The following SH3PXD2B variants were observed in gnomAD, a reference collection of about 807,000 sequenced individuals.
SH3PXD2B encodes the protein SH3 and PX domains 2B, also known as SH3 and PX domain-containing protein 2B.
A neutral mutation model predicts 73.1 loss-of-function variants in SH3PXD2B; 37 were observed. The ratio of observed to expected loss-of-function variants is 0.51; its 90% CI spans 0.39 to 0.67. The LOEUF (loss-of-function observed/expected upper bound fraction) is 0.67, where lower values mean the gene tolerates loss of function less well. SH3PXD2B is among the 30% of genes least tolerant of loss of function. The pLI is 0.00. For missense variants in SH3PXD2B, 1,053 were observed against 1,197.8 expected (o/e 0.88, Z 1.78); for synonymous variants, 457 against 480.5 (o/e 0.95, Z 0.64).
chr5:172,416,409 C>T (rs535396128), intron 2 of SH3PXD2B, among the ~76,000 whole-genome samples: 30 of 151,266 alleles, frequency 2.0e-4, no homozygotes, highest in Non-Finnish European at 3.8e-4. Context: ...CTTACTGTAA[C>T]CTCTGCCTCC....
intron 1 of SH3PXD2B, among the ~76,000 whole-genome samples, chr5:172,432,634 T>C (rs891321597): frequency 9.9e-5 from 15 of 152,046 alleles, no homozygotes; most frequent in South Asian, 2.1e-4. Context: ...ATAATGAGGA[T>C]TGACTGGCTG....
chr5:172,441,218 A>C (rs1281921756), intron 1 of SH3PXD2B, among the ~76,000 whole-genome samples: 1 of 152,168 alleles, frequency 6.6e-6, no homozygotes, highest in African/African-American at 2.4e-5. Context: ...CCTCATTTAG[A>C]GACGAAGAAG....
intron 3 of SH3PXD2B, among the ~76,000 whole-genome samples, chr5:172,399,316 T>C (rs1758377591): frequency 6.6e-6 from 1 of 152,242 alleles, no homozygotes; most frequent in South Asian, 2.1e-4. Context: ...ATGCTGGTTA[T>C]GTAGGTCCTA....
chr5:172,330,715 T>G (rs1382133669), downstream of SH3PXD2B, among the ~76,000 whole-genome samples: 1 of 152,246 alleles, frequency 6.6e-6, no homozygotes, highest in Non-Finnish European at 1.5e-5. Context: ...CGGGAACTTA[T>G]GGTAAGGGGC....
At chr5:172,450,245 C>T (rs1374156634) in intron 1 of SH3PXD2B, among the ~76,000 whole-genome samples, 1 of 151,500 alleles carries the variant, frequency 6.6e-6, no homozygotes, top group East Asian at 1.9e-4. Context: ...AAAATCCTAT[C>T]TATTAGTCTA....
chr5:172,438,522 G>C (rs549894261), intron 1 of SH3PXD2B, among the ~76,000 whole-genome samples: 1 of 152,216 alleles, frequency 6.6e-6, no homozygotes, highest in Non-Finnish European at 1.5e-5. Flanking sequence ...AAGGCTCTCT[G>C]TGTCCAGAGA....
Position 172,358,855 on chromosome 5 carries a change from G to C in SH3PXD2B, c.585C>G (p.Ala195=), listed in dbSNP as rs201485159. 204 of 1,613,872 alleles carry C rather than the reference G, an allele frequency of 1.3e-4. No individual in the cohort carries two copies. The highest frequency in any genetic ancestry group is 1.6e-4 in the Non-Finnish European group (193 of 1,179,974). The part of the protein sequence containing the change: ...NESGWWFVST[A]EEQGWVPATC... The stretch of plus-strand genomic sequence containing the variant: ...TTGCAGGGACCCAGCCTTGCTCCTC[G>C]GCAGTGCTGACGAACCACCAACCTG... Residue 195 remains alanine, a synonymous_variant, in exon 8 of 13, where the codon GCC becomes GCG. Coordinates refer to ENST00000311601, the MANE Select transcript of SH3PXD2B (RefSeq NM_001017995.3).
At chr5:172,402,428 A>G (rs10052294) in intron 3 of SH3PXD2B, among the ~76,000 whole-genome samples, 9,516 of 152,282 alleles carry the variant, frequency 0.062, 452 homozygotes, top group African/African-American at 0.14. Context: ...TACCTTGTGA[A>G]GCATGTGATC....
intron 8 of SH3PXD2B, 92 bp from the exon 9 acceptor site, chr5:172,354,097 G>A (rs1757220059): frequency 1.6e-6 from 2 of 1,272,120 alleles, no homozygotes; most frequent in Non-Finnish European, 1.1e-6. Context: ...GTCGGAGGGA[G>A]GATTTCCTTC....
chr5:172,360,809 G>C (rs988403703), intron 7 of SH3PXD2B, among the ~76,000 whole-genome samples: 1 of 152,192 alleles, frequency 6.6e-6, no homozygotes, highest in South Asian at 2.1e-4. Flanking sequence ...GCCAGCCGGG[G>C]CAACAGAGTG....
At chr5:172,411,568 C>T (rs1289762200) in intron 2 of SH3PXD2B, among the ~76,000 whole-genome samples, 6 of 152,190 alleles carry the variant, frequency 3.9e-5, no homozygotes, top group Admixed American at 3.9e-4. Context: ...CTCATGCCAG[C>T]TGTGTGTCTT....
intron 3 of SH3PXD2B, among the ~76,000 whole-genome samples, chr5:172,402,981 G>A (rs902314297): frequency 1.3e-5 from 2 of 152,252 alleles, no homozygotes; most frequent in South Asian, 2.1e-4. Flanking sequence ...GGGCAGAACC[G>A]TGAGGCCAGT....
intron 1 of SH3PXD2B, among the ~76,000 whole-genome samples, chr5:172,444,562 T>C (rs1329761134): frequency 6.6e-6 from 1 of 152,222 alleles, no homozygotes; most frequent in East Asian, 1.9e-4. Context: ...AAAAAATTAC[T>C]ATTGAATCTT....
intron 12 of SH3PXD2B, among the ~76,000 whole-genome samples, chr5:172,344,743 A>G (rs1264168357): frequency 6.6e-6 from 1 of 152,186 alleles, no homozygotes; most frequent in Admixed American, 6.5e-5. Flanking sequence ...AGATAATAGC[A>G]AAGTGAAAAC....
intron 1 of SH3PXD2B, among the ~76,000 whole-genome samples, chr5:172,449,779 C>G (rs192314608): frequency 6.6e-6 from 1 of 152,146 alleles, no homozygotes; most frequent in Non-Finnish European, 1.5e-5. Flanking sequence ...AAGTTGAAAA[C>G]ACACAAACCC....
Position 172,334,875 on chromosome 5 carries a change from G to C in SH3PXD2B, c.*3494C>G. ...CACCTGGTAATGAAATCCTCAGTGGGCGCAAACATTTTAGGGCCAAGAACA... is the reference window on the plus strand; with the variant it reads ...CACCTGGTAATGAAATCCTCAGTGGCCGCAAACATTTTAGGGCCAAGAACA... On this transcript the variant is annotated 3_prime_UTR_variant, in exon 13 of 13. Coordinates refer to ENST00000311601, the MANE Select transcript of SH3PXD2B (RefSeq NM_001017995.3). 1.0e-6 allele frequency: 1 copy of C among 985,402 alleles called. No homozygotes were observed. The highest frequency in any genetic ancestry group is 1.2e-6 in the Non-Finnish European group (1 of 829,948). 61.0% of individuals were successfully genotyped at this position (985,402 alleles called of 1,614,324 possible). A position where few individuals can be genotyped will look rare whatever the true frequency, so the allele number is the denominator to read the frequency against.
In SH3PXD2B at chr5:172,394,538, C is replaced by T. The variant is rs758088500; in HGVS notation, c.309+25G>A. ...AAACAGAATACACCTACAGGGAAGA[C>T]TGCGTGGGCATTTCTCAGCCTTACC... On this transcript the variant is annotated intron_variant, in intron 4 of 12. Coordinates refer to ENST00000311601, the MANE Select transcript of SH3PXD2B (RefSeq NM_001017995.3). 1.1e-5 allele frequency: 17 copies of T among 1,612,648 alleles called. No individual in the cohort carries two copies. The Admixed American group carries it at 2.7e-4, about 25-fold the overall frequency.
chr5:172,361,686 CA>C (rs1216307410), intron 7 of SH3PXD2B, among the ~76,000 whole-genome samples: 1 of 152,188 alleles, frequency 6.6e-6, no homozygotes, highest in Non-Finnish European at 1.5e-5. Flanking sequence ...TCTGGCTCTG[CA>C]GGCTGTTGTG....
chr5:172,422,195 A>G (rs936597715), intron 2 of SH3PXD2B, among the ~76,000 whole-genome samples: 11 of 152,142 alleles, frequency 7.2e-5, no homozygotes, highest in African/African-American at 2.2e-4. Flanking sequence ...GGGTTTCACC[A>G]TGTTGGCCGG....
Sources: allele counts gnomAD v4.1 joint callset (sites outside exome capture counted in the v4.1 genomes callset), GRCh38; gene constraint gnomAD v4.1.1; transcripts MANE v1.5; gene names NCBI Gene and HGNC (gene_info 2026-07-23, HGNC 2026-07-21).